Variants in PHLDB2 observed in about 807,000 individuals in gnomAD.
PHLDB2 encodes pleckstrin homology like domain family B member 2, also known as pleckstrin homology-like domain family B member 2.
PHLDB2 carries 71 observed loss-of-function variants against 123.6 expected under a neutral mutation model. The ratio of observed to expected loss-of-function variants is 0.57; its 90% CI spans 0.47 to 0.70. PHLDB2 has a LOEUF of 0.70. Ranked by LOEUF, PHLDB2 falls within the 30% of genes least tolerant of loss-of-function variation. The pLI is 0.00. For synonymous variants in PHLDB2, 547 were observed against 541.6 expected (o/e 1.01, Z -0.14); for missense variants, 1,446 against 1,519.5 (o/e 0.95, Z 0.80).
intron 2 of PHLDB2, chr3:111,911,789 T>G: frequency 1.5e-6 from 2 of 1,355,410 alleles, no homozygotes; most frequent in Non-Finnish European, 2.0e-6. Context: ...TTGTTTTTTT[T>G]GTTGGGGGAT....
chr3:111,842,351 G>A (rs907997491), intron 1 of PHLDB2, among the ~76,000 whole-genome samples: 4 of 152,034 alleles, frequency 2.6e-5, no homozygotes, highest in African/African-American at 9.7e-5. Flanking sequence ...CACAAACATG[G>A]CCTTTCCCCT....
chr3:111,779,995 C>A, intron 1 of PHLDB2: 1 of 429,432 alleles, frequency 2.3e-6, no homozygotes, highest in Non-Finnish European at 3.1e-6. Flanking sequence ...TGTCTATTCA[C>A]AAAATGTGAG....
intron 2 of PHLDB2, among the ~76,000 whole-genome samples, chr3:111,887,410 T>A (rs1559887009): frequency 6.6e-6 from 1 of 152,178 alleles, no homozygotes; most frequent in African/African-American, 2.4e-5. Context: ...GACTACATTG[T>A]GGTAAAAGGG....
At chr3:111,748,738 T>C (rs948361520) in intron 1 of PHLDB2, among the ~76,000 whole-genome samples, 1 of 152,028 alleles carries the variant, frequency 6.6e-6, no homozygotes, top group Admixed American at 6.5e-5. Context: ...GTCAGGTGGG[T>C]CACAAACTCC....
chr3:111,733,263 A>G (rs114130295), intron 1 of PHLDB2, among the ~76,000 whole-genome samples: 2,043 of 152,264 alleles, frequency 0.013, 54 homozygotes, highest in African/African-American at 0.046. Flanking sequence ...AATCAAGCCT[A>G]TTTACCTAAG....
At chr3:111,792,844 G>C (rs1277204183) in intron 1 of PHLDB2, among the ~76,000 whole-genome samples, 3 of 152,188 alleles carry the variant, frequency 2.0e-5, no homozygotes, top group Non-Finnish European at 4.4e-5. Context: ...ACTGAACCAA[G>C]ATTATGATTA....
chr3:111,952,420 A>G (rs2070772845), intron 10 of PHLDB2, 152 bp from the exon 11 acceptor site: 5 of 749,578 alleles, frequency 6.7e-6, no homozygotes, highest in Non-Finnish European at 6.2e-6. Context: ...ACTAGCTCAA[A>G]TCTATCAGTG....
rs767091860 is a variant in PHLDB2, at chr3:111,945,367, G to T, written c.2487+10G>T. 1.3e-6 allele frequency: 2 copies of T among 1,554,350 alleles called. No individual in the cohort carries two copies. Among genetic ancestry groups the T allele is most frequent in the East Asian group, 4.5e-5 (2 of 44,486 alleles). On this transcript the variant is annotated intron_variant, in intron 9 of 17. Coordinates refer to ENST00000431670, the MANE Select transcript of PHLDB2 (RefSeq NM_001134438.2). ...CAATACTTTAAAAGAGGTAAGCTAT[G>T]ATTTTACATGTCGCTTTATGTTGCC...
At chr3:111,805,824 A>G (rs1252298469) in intron 1 of PHLDB2, among the ~76,000 whole-genome samples, 1 of 143,134 alleles carries the variant, frequency 7.0e-6, no homozygotes, top group Non-Finnish European at 1.5e-5. Flanking sequence ...CTTGATTGTG[A>G]TGGTGGTTGC....
intron 2 of PHLDB2, among the ~76,000 whole-genome samples, chr3:111,909,091 A>C (rs1283769670): frequency 6.6e-6 from 1 of 152,156 alleles, no homozygotes; most frequent in Admixed American, 6.6e-5. Flanking sequence ...CCACAGCTCT[A>C]TGCCTTTGCT....
chr3:111,835,578 C>T (rs60787620), intron 1 of PHLDB2, among the ~76,000 whole-genome samples: 22,522 of 152,126 alleles, frequency 0.15, 1,855 homozygotes, highest in Admixed American at 0.18. Flanking sequence ...CAAAACTCAG[C>T]GGCTTAAAAC....
At chr3:111,896,857 A>G (rs2066902161) in intron 2 of PHLDB2, among the ~76,000 whole-genome samples, 1 of 151,952 alleles carries the variant, frequency 6.6e-6, no homozygotes, top group Non-Finnish European at 1.5e-5. Context: ...GAAGGTGCTT[A>G]TTAGAAGTCA....
rs1284690877 is a variant in PHLDB2 at position 111,939,490 on chromosome 3, G to T, written c.2146G>T (p.Asp716Tyr). Residue 716 changes from aspartate (D) to tyrosine (Y), a missense_variant, in exon 7 of 18, where the codon GAT (aspartate) becomes TAT (tyrosine). Coordinates refer to ENST00000431670, the MANE Select transcript of PHLDB2 (RefSeq NM_001134438.2). ...TTCTCCAAAGGATGCTGACCTGTTG[G>T]ATGTTGAAAGCAAACACTTTGAAGA... Reference protein sequence around the residue: ...QQLKRDADLLDVESKHFEDLE... With the variant: ...QQLKRDADLLYVESKHFEDLE... 6.2e-7 allele frequency: 1 copy of T among 1,612,548 alleles called. No homozygotes were observed. Among genetic ancestry groups the T allele is most frequent in the Non-Finnish European group, 8.5e-7 (1 of 1,179,518 alleles).
chr3:111,778,798 T>C (rs1460915377), intron 1 of PHLDB2, among the ~76,000 whole-genome samples: 1 of 152,018 alleles, frequency 6.6e-6, no homozygotes, highest in African/African-American at 2.4e-5. Context: ...AAAAAAAACA[T>C]GGCAAGTGTT....
intron 1 of PHLDB2, among the ~76,000 whole-genome samples, chr3:111,764,431 T>C (rs2060044147): frequency 6.6e-6 from 1 of 152,186 alleles, no homozygotes; most frequent in African/African-American, 2.4e-5. Flanking sequence ...TATTTTTCTG[T>C]CTCCTGTGTT....
At chr3:111,818,007 T>C (rs2062175708) in intron 1 of PHLDB2, among the ~76,000 whole-genome samples, 1 of 152,190 alleles carries the variant, frequency 6.6e-6, no homozygotes, top group African/African-American at 2.4e-5. Flanking sequence ...TCGTTTATGC[T>C]TTTCTCATTT....
At chr3:111,846,077 C>T (rs2063971472) in intron 2 of PHLDB2, 1 of 840,072 alleles carries the variant, frequency 1.2e-6, no homozygotes, top group African/African-American at 1.7e-5. Flanking sequence ...GGCTGGCAAT[C>T]CTTGCCCAGA....
intron 1 of PHLDB2, among the ~76,000 whole-genome samples, chr3:111,773,162 G>A (rs1260532380): frequency 3.9e-5 from 6 of 152,316 alleles, no homozygotes; most frequent in South Asian, 4.1e-4. Flanking sequence ...AGCATCGCTC[G>A]AAGTGCAGTC....
chr3:111,973,592 C>A, intron 16 of PHLDB2, 140 bp from the exon 17 acceptor site: 1 of 475,852 alleles, frequency 2.1e-6, no homozygotes, highest in Non-Finnish European at 3.7e-6. Context: ...GGGCCTCATG[C>A]ACTAGCCCAA....
Sources: allele counts gnomAD v4.1 joint callset (sites outside exome capture counted in the v4.1 genomes callset), GRCh38; gene constraint gnomAD v4.1.1; transcripts MANE v1.5; gene names NCBI Gene and HGNC (gene_info 2026-07-23, HGNC 2026-07-21).